STXBP5L: variants seen among roughly 807,000 people sequenced by gnomAD.
The protein encoded by STXBP5L is syntaxin-binding protein 5-like.
A neutral mutation model predicts 144.5 loss-of-function variants in STXBP5L; 65 were observed. The observed-to-expected ratio is 0.45, with a 90% confidence interval of 0.37 to 0.55. The LOEUF (loss-of-function observed/expected upper bound fraction) is 0.55, where lower values mean the gene tolerates loss of function less well. STXBP5L is among the 20% of genes least tolerant of loss of function. The pLI is 0.00. For missense variants in STXBP5L, 1,298 were observed against 1,405.5 expected (o/e 0.92, Z 1.22); for synonymous variants, 505 against 469.6 (o/e 1.08, Z -0.97).
chr3:120,977,037 G>C (rs1464192283), intron 3 of STXBP5L, among the ~76,000 whole-genome samples: 1 of 152,170 alleles, frequency 6.6e-6, no homozygotes. Flanking sequence ...TTGGGGTGGA[G>C]AGTTCTGTAG....
intron 5 of STXBP5L, among the ~76,000 whole-genome samples, chr3:121,113,185 A>G (rs1489623305): frequency 1.3e-5 from 2 of 152,162 alleles, no homozygotes; most frequent in African/African-American, 4.8e-5. Flanking sequence ...TTAACCCTGG[A>G]AGTGACTATG....
chr3:121,120,383 G>A (rs2107846614), intron 6 of STXBP5L, among the ~76,000 whole-genome samples: 1 of 151,244 alleles, frequency 6.6e-6, no homozygotes, highest in East Asian at 1.9e-4. Context: ...TTTTTATGAA[G>A]CCCTGTTTAA....
chr3:121,038,694 A>C (rs1946931978), intron 3 of STXBP5L, among the ~76,000 whole-genome samples: 1 of 151,918 alleles, frequency 6.6e-6, no homozygotes, highest in Non-Finnish European at 1.5e-5. Context: ...GGGGTGCTAA[A>C]AACTCGAACT....
In STXBP5L at chr3:120,951,907, A is replaced by G. The variant is rs1025076857; in HGVS notation, c.190-3033A>G. Reference sequence around the variant, plus strand: ...ATAGCAAAGACTTGGAACCAATCCAAATGTCCAACAATGATAGACTGGATT... The same window carrying G: ...ATAGCAAAGACTTGGAACCAATCCAGATGTCCAACAATGATAGACTGGATT... On this transcript the variant is annotated intron_variant, in intron 2 of 26. Transcript: ENST00000471454. Among the ~76,000 whole-genome samples the G allele has an allele frequency of 9.2e-5, 14 of 152,018 alleles. No homozygotes were observed. The South Asian group carries it at 1.2e-3, about 14-fold the overall frequency.
At chr3:121,292,506 A>T (rs2051479636) in intron 19 of STXBP5L, among the ~76,000 whole-genome samples, 1 of 152,234 alleles carries the variant, frequency 6.6e-6, no homozygotes, top group Admixed American at 6.5e-5. Flanking sequence ...CCAAAAGTAG[A>T]TCTACCATTC....
At chr3:121,182,310 A>G (rs1464042963) in intron 9 of STXBP5L, among the ~76,000 whole-genome samples, 1 of 152,210 alleles carries the variant, frequency 6.6e-6, no homozygotes, top group Non-Finnish European at 1.5e-5. Flanking sequence ...AATCTAAATC[A>G]TATAAAGTAT....
Position 121,184,820 on chromosome 3 carries a change from G to T in STXBP5L, c.878-21103G>T, listed in dbSNP as rs147842601. On this transcript the variant is annotated intron_variant, in intron 9 of 26. Transcript: ENST00000471454. ...ATGTTAAGGGCAGCCAGAGAGAAAG[G>T]TCAGGTTACCCAGAAAGGAAAGCCT... 2.5e-3 allele frequency among the ~76,000 whole-genome samples: 379 copies of T among 152,256 alleles called. 2 individuals are homozygous for T. Among genetic ancestry groups the T allele is most frequent in the African/African-American group, 8.6e-3 (356 of 41,542 alleles).
chr3:121,295,025 T>G (rs975179526), intron 19 of STXBP5L, among the ~76,000 whole-genome samples: 1 of 152,134 alleles, frequency 6.6e-6, no homozygotes, highest in Non-Finnish European at 1.5e-5. Flanking sequence ...TCTTTAAAGA[T>G]ATTTGGTTAT....
chr3:121,091,848 C>T (rs2042817027), intron 5 of STXBP5L, among the ~76,000 whole-genome samples: 2 of 152,094 alleles, frequency 1.3e-5, no homozygotes, highest in African/African-American at 2.4e-5. Flanking sequence ...GAAGTCCTTG[C>T]CCATGCCTAT....
intron 5 of STXBP5L, among the ~76,000 whole-genome samples, chr3:121,063,992 G>A (rs1210018917): frequency 2.6e-5 from 4 of 152,160 alleles, no homozygotes; most frequent in Non-Finnish European, 4.4e-5. Context: ...CTTTCCAGGG[G>A]AGTGAATGCT....
At chr3:121,019,803 C>G (rs1945414270) in intron 3 of STXBP5L, among the ~76,000 whole-genome samples, 1 of 152,180 alleles carries the variant, frequency 6.6e-6, no homozygotes, top group African/African-American at 2.4e-5. Context: ...TTCCCACTGA[C>G]ATAATCTACC....
Position 121,360,020 on chromosome 3 carries a change from A to ATATATTATTACTATATAATATAATATG in STXBP5L, c.2177-18670_2177-18669insGTATATTATTACTATATAATATAATAT, listed in dbSNP as rs2045660379. Among the ~76,000 whole-genome samples the ATATATTATTACTATATAATATAATATG allele has an allele frequency of 2.8e-5, 4 of 144,746 alleles. No individual in the cohort carries two copies. The South Asian group carries it at 6.3e-4, about 23-fold the overall frequency. The allele number at this position is 144,746 out of a possible 152,430, so 95.0% of individuals were successfully genotyped here. A position where few individuals can be genotyped will look rare whatever the true frequency, so the allele number is the denominator to read the frequency against. On this transcript the variant is annotated intron_variant, in intron 20 of 26. Transcript: ENST00000471454. ...ATATTATTACTATATAATATAATATATATATTATTACTATATAATATAATA... is the reference window on the plus strand; with the variant it reads ...ATATTATTACTATATAATATAATATATATATTATTACTATATAATATAATATGTATATTATTACTATATAATATAATA...
At chr3:120,972,411 A>T (rs897626480) in intron 3 of STXBP5L, among the ~76,000 whole-genome samples, 1 of 152,080 alleles carries the variant, frequency 6.6e-6, no homozygotes, top group African/African-American at 2.4e-5. Flanking sequence ...TTTTTATACA[A>T]TGATTTTTAT....
intron 3 of STXBP5L, among the ~76,000 whole-genome samples, chr3:120,974,521 T>G (rs900417748): frequency 1.3e-5 from 2 of 151,878 alleles, no homozygotes; most frequent in African/African-American, 2.4e-5. Context: ...TATTTTCTTT[T>G]GCTGTGCAGA....
intron 22 of STXBP5L, among the ~76,000 whole-genome samples, chr3:121,398,017 C>T (rs1344851099): frequency 6.6e-6 from 1 of 152,196 alleles, no homozygotes; most frequent in African/African-American, 2.4e-5. Context: ...ATTTGATTTA[C>T]CCAATAAGCA....
chr3:121,183,162 T>A (rs2047227723), intron 9 of STXBP5L, among the ~76,000 whole-genome samples: 1 of 152,136 alleles, frequency 6.6e-6, no homozygotes, highest in Non-Finnish European at 1.5e-5. Flanking sequence ...AAAAGCCGTC[T>A]AAGACAAACC....
rs147530867 is a variant in STXBP5L at position 121,321,032 on chromosome 3, A to T, written c.2176+2492A>T. The stretch of plus-strand genomic sequence containing the variant: ...ATTTTTAATTTCAAAGCAGACTCAG[A>T]AAACTGTGCATGCAATTAAGTAGAT... On this transcript the variant is annotated intron_variant, in intron 20 of 26. Coordinates refer to ENST00000471454, the MANE Select transcript of STXBP5L (RefSeq NM_001308330.2). Among the ~76,000 whole-genome samples the T allele has an allele frequency of 7.2e-4, 110 of 152,326 alleles. 1 individual carries two copies. The East Asian group carries it at 0.019, about 26-fold the overall frequency.
intron 3 of STXBP5L, among the ~76,000 whole-genome samples, chr3:120,975,103 GA>G (rs1291688430): frequency 6.6e-6 from 1 of 152,148 alleles, no homozygotes; most frequent in Non-Finnish European, 1.5e-5. Context: ...GTTTGATGGG[GA>G]TGGCATTGAA....
chr3:121,204,944 A>G, intron 9 of STXBP5L, among the ~76,000 whole-genome samples: 1 of 152,192 alleles, frequency 6.6e-6, no homozygotes, highest in Admixed American at 6.6e-5. Context: ...TTTTTGTTTT[A>G]TGCAAAATGA....
Sources: allele counts gnomAD v4.1 joint callset (sites outside exome capture counted in the v4.1 genomes callset), GRCh38; gene constraint gnomAD v4.1.1; transcripts MANE v1.5; gene names NCBI Gene and HGNC (gene_info 2026-07-23, HGNC 2026-07-21).